The following DNAH8 variants were observed in gnomAD, a reference collection of about 807,000 sequenced individuals.
DNAH8 encodes the protein dynein axonemal heavy chain 8.
DNAH8 carries 382 observed loss-of-function variants against 562.1 expected under a neutral mutation model. The observed-to-expected ratio is 0.68, with a 90% confidence interval of 0.63 to 0.74. DNAH8 has a LOEUF of 0.74. Ranked by LOEUF, DNAH8 falls within the 30% of genes least tolerant of loss-of-function variation. The pLI, the probability that DNAH8 is intolerant of heterozygous loss-of-function variation, is 0.00. For missense variants in DNAH8, 5,203 were observed against 5,620.4 expected (o/e 0.93, Z 2.37); for synonymous variants, 1,881 against 1,919.4 (o/e 0.98, Z 0.52).
chr6:39,018,678 C>T (rs539323882), intron 91 of DNAH8, among the ~76,000 whole-genome samples: 1 of 152,338 alleles, frequency 6.6e-6, no homozygotes, highest in Admixed American at 6.5e-5. Flanking sequence ...TGCTTGTGCA[C>T]CATCCTCCAG....
At chr6:38,867,455 A>G (rs900673159) in intron 47 of DNAH8, among the ~76,000 whole-genome samples, 1 of 151,934 alleles carries the variant, frequency 6.6e-6, no homozygotes, top group Non-Finnish European at 1.5e-5. Context: ...TTAAAAATCT[A>G]TTGTTTGGGC....
At chr6:38,945,169 T>A (rs949709965) in intron 79 of DNAH8, among the ~76,000 whole-genome samples, 1 of 152,096 alleles carries the variant, frequency 6.6e-6, no homozygotes, top group Non-Finnish European at 1.5e-5. Flanking sequence ...AAATTATAAG[T>A]TTTAGGTTGT....
chr6:38,761,685 AC>A lies in DNAH8; in HGVS notation c.1516-15del, dbSNP rs2127608767. The A allele has an allele frequency of 7.8e-7, 1 of 1,281,934 alleles. No individual in the cohort carries two copies. The highest frequency in any genetic ancestry group is 1.1e-6 in the Non-Finnish European group (1 of 924,712). The allele number at this position is 1,281,934 out of a possible 1,614,324, so 79.4% of individuals were successfully genotyped here. A position where few individuals can be genotyped will look rare whatever the true frequency, so the allele number is the denominator to read the frequency against. ...CTCTTTTTACATATAATTATTTTGT[AC>A]CTATATTTATTTCAGGTAACAAATC... On this transcript the variant is annotated splice_polypyrimidine_tract_variant and intron_variant, in intron 10 of 92. Coordinates refer to ENST00000327475, the MANE Select transcript of DNAH8 (RefSeq NM_001206927.2).
chr6:38,984,362 T>G (rs1249013139), intron 87 of DNAH8, 55 bp downstream of exon 87: 1 of 1,211,110 alleles, frequency 8.3e-7, no homozygotes, highest in Admixed American at 1.7e-5. Context: ...TATTTTCCAA[T>G]TTTTTTGTTT....
chr6:39,007,195 C>G (rs930423804), intron 88 of DNAH8, among the ~76,000 whole-genome samples: 1 of 152,114 alleles, frequency 6.6e-6, no homozygotes, highest in African/African-American at 2.4e-5. Context: ...TGCACCATAC[C>G]GTCAGAAATG....
In DNAH8 at chr6:38,815,386, CAG is replaced by C. The variant is rs113137178; in HGVS notation, c.3334-81_3334-80del. The C allele has an allele frequency of 7.1e-3, 8,001 of 1,128,536 alleles. 363 individuals are homozygous for C. The African/African-American group carries it at 0.099, about 14-fold the overall frequency. 69.9% of individuals were successfully genotyped at this position (1,128,536 alleles called of 1,614,324 possible). A position where few individuals can be genotyped will look rare whatever the true frequency, so the allele number is the denominator to read the frequency against. On this transcript the variant is annotated intron_variant, in intron 25 of 92. Transcript: ENST00000327475. ...TGGGCCAGCCGAGGCTTGCCCCACT[CAG>C]TGGGGAATGGAGGTGGTGAAAATTG...
intron 49 of DNAH8, among the ~76,000 whole-genome samples, chr6:38,870,966 A>G (rs1048121855): frequency 1.3e-5 from 2 of 152,158 alleles, no homozygotes; most frequent in Non-Finnish European, 2.9e-5. Context: ...TTGTGTGTGG[A>G]CATGTTATAT....
chr6:38,849,215 A>G (rs1252586551), intron 37 of DNAH8, among the ~76,000 whole-genome samples: 1 of 152,196 alleles, frequency 6.6e-6, no homozygotes, highest in East Asian at 1.9e-4. Flanking sequence ...CAGTACTATT[A>G]TAGTAGTTCA....
chr6:38,908,811 G>A (rs1267585818), intron 64 of DNAH8, among the ~76,000 whole-genome samples: 1 of 152,060 alleles, frequency 6.6e-6, no homozygotes, highest in African/African-American at 2.4e-5. Flanking sequence ...CCTGGGCCTC[G>A]CAAAGTGCTG....
Position 38,937,987 on chromosome 6 carries a change from T to C in DNAH8, c.11577T>C (p.Asp3859=), listed in dbSNP as rs369713875. 1.4e-5 allele frequency: 22 copies of C among 1,613,816 alleles called. No homozygotes were observed. The highest frequency in any genetic ancestry group is 1.8e-5 in the Non-Finnish European group (21 of 1,179,938). The change falls in exon 78 of 93, where the codon GAT becomes GAC. Residue 3859 remains aspartate, a synonymous_variant. Coordinates refer to ENST00000327475, the MANE Select transcript of DNAH8 (RefSeq NM_001206927.2). ...TTTGAATTTCAGGCTCATTGGTAGA[T>C]GACGAATCTCTCATTGGTGTACTTC... ...KLSATKGSLV[D]DESLIGVLRT...
intron 88 of DNAH8, among the ~76,000 whole-genome samples, chr6:39,005,608 TTTC>T (rs1765747977): frequency 6.6e-6 from 1 of 152,228 alleles, no homozygotes; most frequent in Non-Finnish European, 1.5e-5. Flanking sequence ...CTGAACATAT[TTTC>T]ATGTGCTTAT....
Position 38,741,750 on chromosome 6 carries a change from GATT to G in DNAH8, c.1157_1159del (p.Asp386_Ser387delinsAla), listed in dbSNP as rs773062035. The stretch of plus-strand genomic sequence containing the variant: ...TGAGCAGATGAGAAAAGAAGCTGGT[GATT>G]CAGGTCCACTCACTGAATTGGAACA... On this transcript the variant is annotated inframe_deletion, in exon 8 of 93. Transcript: ENST00000327475. 10 of 1,613,766 alleles carry G rather than the reference GATT, an allele frequency of 6.2e-6. No homozygotes were observed. The highest frequency in any genetic ancestry group is 6.8e-6 in the Non-Finnish European group (8 of 1,179,846).
chr6:38,754,673 G>A (rs1765758583), intron 9 of DNAH8, among the ~76,000 whole-genome samples: 2 of 152,130 alleles, frequency 1.3e-5, no homozygotes, highest in South Asian at 4.1e-4. Context: ...ATCACGGTTA[G>A]AAGCAGGGTC....
Position 38,974,425 on chromosome 6 carries a change from A to G in DNAH8, c.12730A>G (p.Lys4244Glu). The part of the protein sequence containing the change: ...EPPQGVRAGL[K>E]RTFAGINQDL... Reference sequence around the variant, plus strand: ...ACCCCAAGGTGTACGCGCAGGTTTGAAAAGAACATTTGCTGGAATTAATCA... The same window carrying G: ...ACCCCAAGGTGTACGCGCAGGTTTGGAAAGAACATTTGCTGGAATTAATCA... Residue 4244 changes from lysine (K) to glutamate (E), a missense_variant, in exon 85 of 93, where the codon AAA (lysine) becomes GAA (glutamate). Physicochemically the swap from Lys to Glu is moderately conservative, Grantham distance 56. This residue lies in a region of DNAH8 where 1,399 missense variants were observed against 1,518.4 expected (regional missense o/e 0.92). Transcript: ENST00000327475. The G allele has an allele frequency of 1.2e-6, 2 of 1,614,056 alleles. No individual in the cohort carries two copies. The highest frequency in any genetic ancestry group is 1.1e-5 in the South Asian group (1 of 91,076).
chr6:38,936,701 A>G (rs998728676), intron 77 of DNAH8, among the ~76,000 whole-genome samples: 7 of 152,142 alleles, frequency 4.6e-5, no homozygotes, highest in African/African-American at 1.4e-4. Context: ...GGGCATTAAA[A>G]ATATAGCAAG....
At chr6:38,721,961 A>G (rs1407946770) in intron 1 of DNAH8, among the ~76,000 whole-genome samples, 4 of 152,338 alleles carry the variant, frequency 2.6e-5, no homozygotes, top group South Asian at 4.1e-4. Context: ...GATTTTAACC[A>G]CATCCTGAAA....
At chr6:38,862,182 A>G (rs2150410061) in intron 43 of DNAH8, 98 bp from the exon 44 acceptor site, 1 of 1,084,312 alleles carries the variant, frequency 9.2e-7, no homozygotes, top group Non-Finnish European at 1.3e-6. Flanking sequence ...AGACTCTAAA[A>G]TAAATAGGCC....
At chr6:38,786,486 T>G (rs542827211) in intron 17 of DNAH8, among the ~76,000 whole-genome samples, 1 of 152,234 alleles carries the variant, frequency 6.6e-6, no homozygotes, top group Non-Finnish European at 1.5e-5. Context: ...TTCAACCCAC[T>G]CAGAAAAATA....
At chr6:38,775,465 AT>A (rs1407011484) in intron 12 of DNAH8, among the ~76,000 whole-genome samples, 2 of 152,212 alleles carry the variant, frequency 1.3e-5, no homozygotes, top group Non-Finnish European at 2.9e-5. Context: ...GGATGAAGCT[AT>A]TTAGTCAAGC....
Sources: gnomAD v4.1 joint callset for allele counts (sites outside exome capture counted in the v4.1 genomes callset) on GRCh38, gnomAD v4.1.1 for gene constraint, gnomAD v4.1.1 regional missense constraint, MANE v1.5 for transcripts, NCBI Gene and HGNC (gene_info 2026-07-23, HGNC 2026-07-21) for gene names.